RBFOX3: variants seen among roughly 807,000 people sequenced by gnomAD.
The protein encoded by RBFOX3 is RNA binding protein fox-1 homolog 3.
Under a neutral mutation model 48.7 loss-of-function variants are expected in RBFOX3, and 17 were observed. The ratio of observed to expected loss-of-function variants is 0.35; its 90% CI spans 0.24 to 0.52. The LOEUF is 0.52. RBFOX3 is among the 20% of genes least tolerant of loss of function. The pLI, the probability that RBFOX3 is intolerant of heterozygous loss-of-function variation, is 0.94. For missense variants in RBFOX3, 382 were observed against 497.5 expected (o/e 0.77, Z 2.21); for synonymous variants, 212 against 209.5 (o/e 1.01, Z -0.10).
chr17:79,588,041 A>G (rs2145000389), intron 1 of RBFOX3, among the ~76,000 whole-genome samples: 1 of 152,200 alleles, frequency 6.6e-6, no homozygotes, highest in Non-Finnish European at 1.5e-5. Context: ...CTCTCACTAT[A>G]TTGCTGGACT....
rs1169891981 is a variant in RBFOX3, at chr17:79,473,358, C to T, written c.-175+9096G>A. ...CTGGGTTGGTCATTTATCTGCAGCT[C>T]AGCTTCCTCACAGAGCCCGAGTTGG... is the stretch of plus-strand genomic sequence containing the variant. On this transcript the variant is annotated intron_variant, in intron 2 of 14. Transcript: ENST00000693108. The surrounding 1 kb of genome is among the most constrained non-coding windows in gnomAD (Gnocchi z 4.2). Among the ~76,000 whole-genome samples, 1 of 152,192 alleles carries T rather than the reference C, an allele frequency of 6.6e-6. No homozygotes were observed. Among genetic ancestry groups the T allele is most frequent in the Admixed American group, 6.5e-5 (1 of 15,282 alleles).
chr17:79,635,250 C>T, the RBFOX3 span, among the ~76,000 whole-genome samples: 1 of 152,104 alleles, frequency 6.6e-6, no homozygotes, highest in Non-Finnish European at 1.5e-5. Context: ...GCATGGAAGG[C>T]TTCCTGGCAT....
chr17:79,599,071 T>A (rs2093640344), intron 1 of RBFOX3: 1 of 152,098 alleles, frequency 6.6e-6, no homozygotes. Context: ...ACAGGAACTC[T>A]TACAGTGCCC....
chr17:79,582,003 C>T (rs969365543), intron 1 of RBFOX3, among the ~76,000 whole-genome samples: 33 of 150,640 alleles, frequency 2.2e-4, no homozygotes, highest in African/African-American at 7.8e-4. Flanking sequence ...CGTGCCTGCC[C>T]GTGTATGTGC....
intron 1 of RBFOX3, among the ~76,000 whole-genome samples, 152 bp downstream of exon 1, chr17:79,610,674 G>A (rs1289534696): frequency 2.6e-5 from 4 of 151,842 alleles, no homozygotes; most frequent in Middle Eastern, 3.2e-3. Flanking sequence ...CCCACCCCAC[G>A]CGCCCTCGGG....
intron 1 of RBFOX3, among the ~76,000 whole-genome samples, chr17:79,563,245 G>A (rs1054354150): frequency 1.3e-5 from 2 of 151,526 alleles, no homozygotes; most frequent in South Asian, 4.2e-4. Context: ...AAAAAAACAA[G>A]AATCTCTAAG....
intron 2 of RBFOX3, among the ~76,000 whole-genome samples, chr17:79,401,258 A>C (rs1598531044): frequency 6.6e-6 from 1 of 152,208 alleles, no homozygotes; most frequent in African/African-American, 2.4e-5. Context: ...AGGAGCCCTG[A>C]GCGGCGGGAG....
intron 2 of RBFOX3, among the ~76,000 whole-genome samples, chr17:79,316,635 C>T (rs1320389210): frequency 6.6e-6 from 1 of 152,226 alleles, no homozygotes; most frequent in Non-Finnish European, 1.5e-5. Flanking sequence ...CACCACGGCC[C>T]CAGACCCCTG....
At chr17:79,520,394 C>T (rs964558272) in intron 1 of RBFOX3, among the ~76,000 whole-genome samples, 2 of 152,222 alleles carry the variant, frequency 1.3e-5, no homozygotes, top group Admixed American at 6.5e-5. Flanking sequence ...CGGGCCAAGG[C>T]AGGGAGCAGC....
intron 3 of RBFOX3, among the ~76,000 whole-genome samples, chr17:79,250,107 G>A (rs776870410): frequency 2.0e-5 from 3 of 152,190 alleles, no homozygotes; most frequent in Non-Finnish European, 4.4e-5. Flanking sequence ...GCGTCAGAAA[G>A]ACTATTACTG....
At chr17:79,376,180 C>T (rs531298633) in intron 2 of RBFOX3, among the ~76,000 whole-genome samples, 3 of 152,170 alleles carry the variant, frequency 2.0e-5, no homozygotes, top group Admixed American at 6.5e-5. Flanking sequence ...AGCCCCTGGG[C>T]GAGGAGACTG....
intron 1 of RBFOX3, among the ~76,000 whole-genome samples, chr17:79,518,568 G>A (rs1285742313): frequency 3.3e-5 from 5 of 152,256 alleles, no homozygotes; most frequent in African/African-American, 1.2e-4. Flanking sequence ...TGGGGGAGCT[G>A]GGGCCTGGAC....
chr17:79,479,409 GC>G lies in RBFOX3; in HGVS notation c.-175+3044del, dbSNP rs2078448443. Among the ~76,000 whole-genome samples, 40 of 152,202 alleles carry G rather than the reference GC, an allele frequency of 2.6e-4. 1 individual carries two copies. Among genetic ancestry groups the G allele is most frequent in the Admixed American group, 2.6e-3 (40 of 15,290 alleles). Reference sequence around the variant, plus strand: ...AATAAAAGACAGGCAGAGATTCAAAGCCACACGCAGGCCTCAGACTGCATTG... The same window carrying G: ...AATAAAAGACAGGCAGAGATTCAAAGCACACGCAGGCCTCAGACTGCATTG... On this transcript the variant is annotated intron_variant, in intron 2 of 14. Coordinates refer to ENST00000693108, the MANE Select transcript of RBFOX3 (RefSeq NM_001350451.2). The surrounding 1 kb of genome is among the most constrained non-coding windows in gnomAD (Gnocchi z 5.1).
chr17:79,273,137 T>C (rs2068043290), intron 3 of RBFOX3, among the ~76,000 whole-genome samples: 1 of 151,926 alleles, frequency 6.6e-6, no homozygotes, highest in Non-Finnish European at 1.5e-5. Flanking sequence ...TCTAGCCACC[T>C]GGTGGACGGG....
intron 2 of RBFOX3, among the ~76,000 whole-genome samples, chr17:79,353,904 G>C (rs539447789): frequency 6.6e-6 from 1 of 152,140 alleles, no homozygotes; most frequent in Admixed American, 6.5e-5. Flanking sequence ...TCCCACCCCC[G>C]CGTTACCCAC....
intron 1 of RBFOX3, among the ~76,000 whole-genome samples, chr17:79,589,715 G>A (rs2093361943): frequency 6.6e-6 from 1 of 152,084 alleles, no homozygotes; most frequent in African/African-American, 2.4e-5. Context: ...GTGAAGAGGG[G>A]TCACATGCAC....
chr17:79,477,543 G>C lies in RBFOX3; in HGVS notation c.-175+4911C>G, dbSNP rs777647464. ...CGCACTCCAGCCTGGGCGACAGAGC[G>C]AAACTCCGTCACCGGAAAAAAAAAA... is the stretch of plus-strand genomic sequence containing the variant. On this transcript the variant is annotated intron_variant, in intron 2 of 14. Transcript: ENST00000693108. The surrounding 1 kb of genome is among the most constrained non-coding windows in gnomAD (Gnocchi z 4.8). Among the ~76,000 whole-genome samples, 2 of 148,982 alleles carry C rather than the reference G, an allele frequency of 1.3e-5. No individual in the cohort carries two copies. Among genetic ancestry groups the C allele is most frequent in the Admixed American group, 6.8e-5 (1 of 14,732 alleles).
intron 2 of RBFOX3, among the ~76,000 whole-genome samples, chr17:79,310,741 G>A (rs913714970): frequency 4.6e-5 from 7 of 152,180 alleles, no homozygotes; most frequent in African/African-American, 1.4e-4. Context: ...CACCCCCAGC[G>A]CTGCCTCGGC....
At chr17:79,450,626 T>C (rs1390054122) in intron 2 of RBFOX3, among the ~76,000 whole-genome samples, 3 of 152,138 alleles carry the variant, frequency 2.0e-5, no homozygotes, top group African/African-American at 7.2e-5. Context: ...GGTGGGTTTG[T>C]TGGGGTGTGA....
Sources: gnomAD v4.1 joint callset for allele counts (sites outside exome capture counted in the v4.1 genomes callset) on GRCh38, gnomAD v4.1.1 for gene constraint, Gnocchi (gnomAD v3.1) non-coding constraint, MANE v1.5 for transcripts, NCBI Gene and HGNC (gene_info 2026-07-23, HGNC 2026-07-21) for gene names.